The following CSMD1 variants were observed in gnomAD, a reference collection of about 807,000 sequenced individuals.
CSMD1 encodes the protein CUB and Sushi multiple domains 1.
In CSMD1, 213 loss-of-function variants were observed where a neutral mutation model predicts 417.5. The ratio of observed to expected loss-of-function variants is 0.51; its 90% CI spans 0.46 to 0.57. The LOEUF is 0.57. Ranked by LOEUF, CSMD1 falls within the 20% of genes least tolerant of loss-of-function variation. The pLI, the probability that CSMD1 is intolerant of heterozygous loss-of-function variation, is 0.00. For synonymous variants in CSMD1, 2,862 were observed against 1,736.8 expected (o/e 1.65, Z -16.11); for missense variants, 6,923 against 4,529.7 (o/e 1.53, Z -15.17).
chr8:4,452,653 G>T (rs7825748), intron 2 of CSMD1, among the ~76,000 whole-genome samples: 1 of 151,898 alleles, frequency 6.6e-6, no homozygotes, highest in African/African-American at 2.4e-5. Flanking sequence ...TGAGTGAAAC[G>T]TAACATTGCA....
chr8:4,441,686 T>C (rs1417135847), intron 2 of CSMD1, among the ~76,000 whole-genome samples: 1 of 152,190 alleles, frequency 6.6e-6, no homozygotes, highest in Non-Finnish European at 1.5e-5. Flanking sequence ...TACAGGTATC[T>C]TTCAAATACC....
intron 2 of CSMD1, among the ~76,000 whole-genome samples, chr8:4,545,424 C>T (rs139369608): frequency 1.0e-3 from 155 of 152,226 alleles, no homozygotes; most frequent in African/African-American, 3.5e-3. Flanking sequence ...TAATAAGAGT[C>T]CTACATATTA....
chr8:4,172,935 C>A (rs1394470), intron 3 of CSMD1, among the ~76,000 whole-genome samples: 2 of 151,954 alleles, frequency 1.3e-5, no homozygotes, highest in Admixed American at 1.3e-4. Flanking sequence ...CAGCAACTTA[C>A]AGAAAAACCT....
intron 5 of CSMD1, among the ~76,000 whole-genome samples, chr8:3,936,265 T>C (rs2129708507): frequency 6.6e-6 from 1 of 151,784 alleles, no homozygotes; most frequent in Admixed American, 6.6e-5. Context: ...CAGCAAGTTA[T>C]CCAGAAGATC....
At position 4,057,105 on chromosome 8, in the gene CSMD1, C is replaced by T. The variant is rs558790817; in HGVS notation, c.416-25006G>A. 3.6e-3 allele frequency among the ~76,000 whole-genome samples: 552 copies of T among 152,284 alleles called. 3 individuals carry two copies. Among genetic ancestry groups the T allele is most frequent in the Middle Eastern group, 0.01 (3 of 294 alleles). The stretch of plus-strand genomic sequence containing the variant: ...TTGTAGTTCTAGATCCCTGAGGAAT[C>T]GCCACACTGACTTCCACAAGGGTTG... On this transcript the variant is annotated intron_variant, in intron 3 of 69. Transcript: ENST00000635120.
intron 3 of CSMD1, among the ~76,000 whole-genome samples, chr8:4,117,047 T>C (rs978708331): frequency 6.6e-6 from 1 of 151,934 alleles, no homozygotes; most frequent in Non-Finnish European, 1.5e-5. Context: ...TTGGAAACTG[T>C]CAGTAGTTAA....
intron 3 of CSMD1, among the ~76,000 whole-genome samples, chr8:4,315,701 C>T (rs1001575861): frequency 1.1e-4 from 17 of 152,072 alleles, no homozygotes; most frequent in Non-Finnish European, 2.1e-4. Flanking sequence ...CCATTGAAGT[C>T]ATATTTGTAG....
chr8:3,791,439 T>C (rs1459386606), intron 5 of CSMD1, among the ~76,000 whole-genome samples: 1 of 152,236 alleles, frequency 6.6e-6, no homozygotes, highest in African/African-American at 2.4e-5. Flanking sequence ...CACAGCATCC[T>C]AGCATAGTGC....
chr8:4,227,294 C>T (rs1328758731), intron 3 of CSMD1, among the ~76,000 whole-genome samples: 3 of 152,138 alleles, frequency 2.0e-5, no homozygotes, highest in Non-Finnish European at 4.4e-5. Context: ...CTCGGTCTGC[C>T]TTGGGGGCTG....
At chr8:3,905,709 C>T (rs1023477984) in intron 5 of CSMD1, among the ~76,000 whole-genome samples, 3 of 152,196 alleles carry the variant, frequency 2.0e-5, no homozygotes, top group African/African-American at 7.2e-5. Context: ...ATCTCCTTAT[C>T]CACATCCAAG....
At chr8:4,918,382 C>T (rs943380956) in intron 1 of CSMD1, among the ~76,000 whole-genome samples, 7 of 152,192 alleles carry the variant, frequency 4.6e-5, no homozygotes, top group Non-Finnish European at 8.8e-5. Flanking sequence ...GTGTTCCTCC[C>T]AGATTCAGAC....
rs1171074454 is a variant in CSMD1, at chr8:2,951,154, G to A, written c.10161C>T (p.Ala3387=). The A allele has an allele frequency of 1.9e-6, 3 of 1,613,570 alleles. No homozygotes were observed. The highest frequency in any genetic ancestry group is 2.2e-5 in the East Asian group (1 of 44,840). Residue 3387 remains alanine, a synonymous_variant, in exon 66 of 70, where the codon GCC becomes GCT. Transcript: ENST00000635120. ...WFNATSSKVN[A]TFSEASPVEL... ...CCACTGGCGAGGCTTCGCTGAAGGT[G>A]GCATTCACCTTACTGCTTGTTGCAT...
At chr8:4,797,579 G>A (rs762712962) in intron 1 of CSMD1, among the ~76,000 whole-genome samples, 6 of 152,164 alleles carry the variant, frequency 3.9e-5, no homozygotes, top group Middle Eastern at 3.4e-3. Context: ...ATAAAAGTAC[G>A]AAATTATTCC....
At chr8:2,973,007 G>A in intron 57 of CSMD1, 110 bp downstream of exon 57, 1 of 1,027,604 alleles carries the variant, frequency 9.7e-7, no homozygotes, top group Non-Finnish European at 1.4e-6. Context: ...AGATTTAATT[G>A]TATAAATAGT....
intron 12 of CSMD1, among the ~76,000 whole-genome samples, chr8:3,410,514 A>AG (rs953363189): frequency 3.3e-5 from 5 of 152,128 alleles, no homozygotes; most frequent in African/African-American, 1.2e-4. Flanking sequence ...TGGTTTTCTA[A>AG]GGGGGAGTTG....
intron 2 of CSMD1, among the ~76,000 whole-genome samples, chr8:4,458,763 C>A (rs1450600959): frequency 6.6e-6 from 1 of 152,092 alleles, no homozygotes; most frequent in Non-Finnish European, 1.5e-5. Context: ...ACATTTTATG[C>A]ATTGAATAAG....
At chr8:4,835,864 T>A (rs1563540983) in intron 1 of CSMD1, among the ~76,000 whole-genome samples, 1 of 151,870 alleles carries the variant, frequency 6.6e-6, no homozygotes, top group Non-Finnish European at 1.5e-5. Flanking sequence ...GGTCACTAAG[T>A]GTTGGTTGAT....
At chr8:2,949,233 T>C in intron 68 of CSMD1, 66 bp downstream of exon 68, 1 of 875,956 alleles carries the variant, frequency 1.1e-6, no homozygotes, top group South Asian at 1.5e-5. Flanking sequence ...TTCCATTTCT[T>C]CTTAGAAACA....
At chr8:4,545,580 G>T (rs1797590852) in intron 2 of CSMD1, among the ~76,000 whole-genome samples, 2 of 152,190 alleles carry the variant, frequency 1.3e-5, no homozygotes, top group Admixed American at 6.5e-5. Context: ...TTGGGTCACA[G>T]TGATACTGGC....
Sources: gnomAD v4.1 joint callset for allele counts (sites outside exome capture counted in the v4.1 genomes callset) on GRCh38, gnomAD v4.1.1 for gene constraint, MANE v1.5 for transcripts, NCBI Gene and HGNC (gene_info 2026-07-23, HGNC 2026-07-21) for gene names.